BEND7: variants seen among roughly 807,000 people sequenced by gnomAD.
BEND7 encodes the protein BEN domain-containing protein 7.
Under a neutral mutation model 50.9 loss-of-function variants are expected in BEND7, and 28 were observed. The observed-to-expected ratio is 0.55, with a 90% confidence interval of 0.41 to 0.75. The LOEUF (loss-of-function observed/expected upper bound fraction) is 0.75. BEND7 is among the 30% of genes least tolerant of loss of function. The pLI, the probability that BEND7 is intolerant of heterozygous loss-of-function variation, is 0.00. For synonymous variants in BEND7, 170 were observed against 183.9 expected (o/e 0.92, Z 0.61); for missense variants, 477 against 491.3 (o/e 0.97, Z 0.28).
intron 7 of BEND7, among the ~76,000 whole-genome samples, chr10:13,448,668 G>C (rs931725509): frequency 6.6e-6 from 1 of 152,110 alleles, no homozygotes; most frequent in East Asian, 1.9e-4. Context: ...ACTGAGAAGG[G>C]ATGAAATATG....
chr10:13,521,150 G>A (rs560932764), intron 2 of BEND7, among the ~76,000 whole-genome samples: 1 of 152,222 alleles, frequency 6.6e-6, no homozygotes, highest in East Asian at 1.9e-4. Flanking sequence ...GGGTCTCCTC[G>A]ACCTTTTTTC....
intron 5 of BEND7, among the ~76,000 whole-genome samples, chr10:13,481,508 T>A (rs2075854757): frequency 6.6e-6 from 1 of 152,172 alleles, no homozygotes; most frequent in Non-Finnish European, 1.5e-5. Flanking sequence ...TGAGAAATAA[T>A]TCAAATGTGC....
chr10:13,505,122 A>G (rs1449561228), intron 2 of BEND7, among the ~76,000 whole-genome samples: 1 of 152,248 alleles, frequency 6.6e-6, no homozygotes, highest in African/African-American at 2.4e-5. Flanking sequence ...CATTTTAAAT[A>G]TAAGTGGGAG....
chr10:13,529,134 G>C (rs1374044788), upstream of BEND7, among the ~76,000 whole-genome samples: 1 of 144,518 alleles, frequency 6.9e-6, no homozygotes, highest in East Asian at 2.1e-4. Context: ...CGCCATCCCC[G>C]GGGGCCGCCG....
At chr10:13,494,393 G>A (rs1385203899) in intron 4 of BEND7, among the ~76,000 whole-genome samples, 1 of 152,208 alleles carries the variant, frequency 6.6e-6, no homozygotes, top group African/African-American at 2.4e-5. Context: ...CTCCAGCCTG[G>A]CGACAGAGTG....
intron 6 of BEND7, among the ~76,000 whole-genome samples, chr10:13,466,596 T>G (rs1159687608): frequency 6.6e-6 from 1 of 152,032 alleles, no homozygotes; most frequent in Non-Finnish European, 1.5e-5. Context: ...AAATTCTACT[T>G]GGAAGGTGCA....
intron 3 of BEND7, among the ~76,000 whole-genome samples, chr10:13,498,638 C>G (rs1380453135): frequency 6.6e-6 from 1 of 152,184 alleles, no homozygotes; most frequent in African/African-American, 2.4e-5. Flanking sequence ...AGTCACTATT[C>G]TAAGTACCAT....
At chr10:13,473,511 T>G (rs1047732361) in intron 6 of BEND7, among the ~76,000 whole-genome samples, 6 of 135,556 alleles carry the variant, frequency 4.4e-5, no homozygotes, top group African/African-American at 8.4e-5. Flanking sequence ...AGACTTGGGG[T>G]TGATACTCAT....
intron 2 of BEND7, among the ~76,000 whole-genome samples, chr10:13,507,319 C>T (rs555063349): frequency 2.1e-4 from 32 of 152,288 alleles, no homozygotes; most frequent in Non-Finnish European, 4.4e-4. Context: ...TCTCTCCCCG[C>T]GCCAGTCTCA....
chr10:13,495,204 G>A (rs12770479), intron 4 of BEND7, among the ~76,000 whole-genome samples: 46,289 of 152,088 alleles, frequency 0.3, 7,536 homozygotes, highest in Non-Finnish European at 0.37. Context: ...AAAAGAATCC[G>A]AACATCATAA....
intron 3 of BEND7, 27 bp from the exon 4 acceptor site, chr10:13,496,915 A>G: frequency 7.2e-7 from 1 of 1,397,494 alleles, no homozygotes. Flanking sequence ...AGAATGACAT[A>G]CTCCAAACAA....
At chr10:13,500,818 ACTG>A in intron 2 of BEND7, 1 of 985,456 alleles carries the variant, frequency 1.0e-6, no homozygotes, top group Non-Finnish European at 1.2e-6. Context: ...ACTCGAGGTC[ACTG>A]GCGGTACCAG....
downstream of BEND7, among the ~76,000 whole-genome samples, chr10:13,440,708 C>G (rs1484522507): frequency 6.6e-6 from 1 of 152,176 alleles, no homozygotes; most frequent in Non-Finnish European, 1.5e-5. Flanking sequence ...AGCCGCTCAG[C>G]ATCGGAGAAG....
chr10:13,523,820 A>AT (rs2079246290), intron 2 of BEND7, among the ~76,000 whole-genome samples: 1 of 152,158 alleles, frequency 6.6e-6, no homozygotes, highest in Non-Finnish European at 1.5e-5. Context: ...AATTTCTGTT[A>AT]TTTTTTCTTA....
At chr10:13,510,300 C>A (rs990935692) in intron 2 of BEND7, among the ~76,000 whole-genome samples, 9 of 152,042 alleles carry the variant, frequency 5.9e-5, no homozygotes. Context: ...ATTATAGATT[C>A]AAAAAGCCCA....
chr10:13,516,510 G>A (rs1011970812), intron 2 of BEND7, among the ~76,000 whole-genome samples: 4 of 152,182 alleles, frequency 2.6e-5, no homozygotes, highest in Non-Finnish European at 5.9e-5. Context: ...CAGATCGCTT[G>A]AAGTCGGGAG....
intron 6 of BEND7, among the ~76,000 whole-genome samples, chr10:13,463,303 AAG>A (rs1231034486): frequency 6.6e-6 from 1 of 152,228 alleles, no homozygotes; most frequent in Non-Finnish European, 1.5e-5. Context: ...TTATGGGAAG[AAG>A]AAAACAACAC....
intron 6 of BEND7, among the ~76,000 whole-genome samples, chr10:13,458,984 G>A (rs1839630118): frequency 6.6e-6 from 1 of 152,228 alleles, no homozygotes; most frequent in African/African-American, 2.4e-5. Flanking sequence ...AGTTACTGAT[G>A]ACAAAATCCA....
At chr10:13,508,350 A>C (rs887823010) in intron 2 of BEND7, among the ~76,000 whole-genome samples, 3 of 152,206 alleles carry the variant, frequency 2.0e-5, no homozygotes, top group Non-Finnish European at 4.4e-5. Context: ...GTGCAATCTA[A>C]AGTGGAACCC....
Sources: allele counts gnomAD v4.1 joint callset (sites outside exome capture counted in the v4.1 genomes callset), GRCh38; gene constraint gnomAD v4.1.1; transcripts MANE v1.5; gene names NCBI Gene and HGNC (gene_info 2026-07-23, HGNC 2026-07-21).